Variants in DPP6 observed in about 807,000 individuals in gnomAD.
DPP6 encodes the protein A-type potassium channel modulatory protein DPP6.
A neutral mutation model predicts 122.6 loss-of-function variants in DPP6; 69 were observed. That is an observed-to-expected ratio of 0.56 (90% CI 0.46 to 0.69). The LOEUF (loss-of-function observed/expected upper bound fraction) is 0.69, where lower values mean the gene tolerates loss of function less well. DPP6 is among the 30% of genes least tolerant of loss of function. The pLI, the probability that DPP6 is intolerant of heterozygous loss-of-function variation, is 0.00. For missense variants in DPP6, 928 were observed against 1,116.9 expected, an observed-to-expected ratio of 0.83 and a Z score of 2.41; for synonymous variants, 418 against 433.1, an observed-to-expected ratio of 0.97 and a Z score of 0.43.
chr7:154,209,068 C>CT (rs1273243713), intron 1 of DPP6, among the ~76,000 whole-genome samples: 1 of 152,152 alleles, frequency 6.6e-6, no homozygotes, highest in African/African-American at 2.4e-5. Context: ...CCAGTGGAAA[C>CT]TTAAAGAAAT....
intron 1 of DPP6, among the ~76,000 whole-genome samples, chr7:154,041,950 G>A (rs1467956851): frequency 2.0e-5 from 3 of 152,098 alleles, no homozygotes; most frequent in South Asian, 4.1e-4. Context: ...GTAGAGCCGG[G>A]GTTTCACCAT....
chr7:154,621,576 A>G (rs1046648719), intron 5 of DPP6, among the ~76,000 whole-genome samples: 17 of 152,158 alleles, frequency 1.1e-4, no homozygotes, highest in Non-Finnish European at 2.1e-4. Flanking sequence ...CATGTTGGCC[A>G]GGCTGGTCTT....
chr7:154,101,335 G>T (rs1805709981), intron 1 of DPP6, among the ~76,000 whole-genome samples: 1 of 144,582 alleles, frequency 6.9e-6, no homozygotes, highest in South Asian at 2.4e-4. Flanking sequence ...AGAGCCTGGA[G>T]CTCAGTAAAT....
In DPP6 at chr7:154,737,726, C is replaced by G. The variant is rs559836914; in HGVS notation, c.883+9839C>G. ...CTATGAAATTAGGCTTGGGTCCATA[C>G]TCAAGTTCTGGGTGCAGCATCCTGT... On this transcript the variant is annotated intron_variant, in intron 8 of 25. Transcript: ENST00000377770. 3.6e-4 allele frequency among the ~76,000 whole-genome samples: 55 copies of G among 152,326 alleles called. 2 individuals carry two copies. The South Asian group carries it at 0.011, about 29-fold the overall frequency.
intron 1 of DPP6, among the ~76,000 whole-genome samples, chr7:154,360,501 T>A (rs1811637596): frequency 6.6e-6 from 1 of 152,202 alleles, no homozygotes; most frequent in Admixed American, 6.5e-5. Flanking sequence ...GAAAACTTTC[T>A]TAGAATGTGC....
intron 1 of DPP6, among the ~76,000 whole-genome samples, chr7:154,102,867 G>C (rs1805851727): frequency 6.6e-6 from 1 of 152,132 alleles, no homozygotes; most frequent in African/African-American, 2.4e-5. Flanking sequence ...GCCACTTTAA[G>C]CCATCCACAG....
chr7:154,132,734 T>C (rs1426519560), intron 1 of DPP6, among the ~76,000 whole-genome samples: 1 of 152,104 alleles, frequency 6.6e-6, no homozygotes, highest in East Asian at 1.9e-4. Flanking sequence ...AAATCTTCCA[T>C]TGGGTGGCCC....
At chr7:154,501,924 T>A (rs1251549119) in intron 3 of DPP6, among the ~76,000 whole-genome samples, 1 of 142,896 alleles carries the variant, frequency 7.0e-6, no homozygotes, top group Non-Finnish European at 1.6e-5. Flanking sequence ...GAAGGGAGGC[T>A]GTCCCCTGCA....
chr7:154,106,105 C>A (rs1480290012), intron 1 of DPP6, among the ~76,000 whole-genome samples: 1 of 151,966 alleles, frequency 6.6e-6, no homozygotes. Flanking sequence ...AAAGGGGTGG[C>A]AGACTCTGCC....
rs1282708523 is a variant in DPP6 at position 154,879,569 on chromosome 7, C to A, written c.2079-1319C>A. The stretch of plus-strand genomic sequence containing the variant: ...TTGTGCCACTGCACTCCAGCCTGGG[C>A]GACAGCGAGACTCCGTCTCAAAAAA... On this transcript the variant is annotated intron_variant, in intron 20 of 25. Transcript: ENST00000377770. 3.6e-5 allele frequency among the ~76,000 whole-genome samples: 3 copies of A among 82,350 alleles called. 1 individual carries two copies. In the East Asian group the frequency reaches 3.8e-3, roughly 103 times the overall value. 54.0% of individuals were successfully genotyped at this position (82,350 alleles called of 152,430 possible).
the DPP6 span, among the ~76,000 whole-genome samples, chr7:153,855,771 G>T: frequency 1.3e-5 from 2 of 152,018 alleles, no homozygotes; most frequent in Non-Finnish European, 2.9e-5. Flanking sequence ...TCAGACAGAG[G>T]TGAGAGCTTA....
rs778082642 is a variant in DPP6 at position 154,875,865 on chromosome 7, A to G, written c.1884-41A>G. 4.3e-4 allele frequency: 684 copies of G among 1,575,992 alleles called. No individual in the cohort carries two copies. The highest frequency in any genetic ancestry group is 5.6e-4 in the Non-Finnish European group (649 of 1,162,252). On this transcript the variant is annotated intron_variant, in intron 19 of 25. Coordinates refer to ENST00000377770, the MANE Select transcript of DPP6 (RefSeq NM_130797.4). This position sits in a 1 kb window ranked among gnomAD's most constrained non-coding sequence, Gnocchi z 4.5. ...GCAGCTGCTAGACCAGCCGCCACCC[A>G]CCACGCAGCAGGCCTGCTGAGCCCG...
chr7:154,208,452 C>T (rs953199715), intron 1 of DPP6, among the ~76,000 whole-genome samples: 3 of 152,256 alleles, frequency 2.0e-5, no homozygotes, highest in Admixed American at 2.0e-4. Context: ...ACCCCGCTGA[C>T]TCATCCCATC....
intron 4 of DPP6, among the ~76,000 whole-genome samples, chr7:154,549,298 G>A (rs1829453542): frequency 6.6e-6 from 1 of 152,192 alleles, no homozygotes; most frequent in Admixed American, 6.5e-5. Flanking sequence ...TCATATCAGA[G>A]TTGTCCTTTA....
chr7:154,648,416 G>A (rs922403782), intron 6 of DPP6, among the ~76,000 whole-genome samples: 2 of 152,148 alleles, frequency 1.3e-5, no homozygotes, highest in African/African-American at 4.8e-5. Context: ...CTGTGCTCCT[G>A]CAGAGGGTTG....
At chr7:154,266,412 C>G (rs1397160309) in intron 1 of DPP6, among the ~76,000 whole-genome samples, 2 of 152,120 alleles carry the variant, frequency 1.3e-5, no homozygotes, top group East Asian at 3.9e-4. Context: ...GACCCCATCT[C>G]TACTAAAAAT....
Position 154,236,900 on chromosome 7 carries a change from G to A in DPP6, c.243+183837G>A, listed in dbSNP as rs77668596. Among the ~76,000 whole-genome samples the A allele has an allele frequency of 7.2e-3, 1,098 of 152,118 alleles. 19 individuals carry two copies. Among genetic ancestry groups the A allele is most frequent in the African/African-American group, 0.025 (1,027 of 41,486 alleles). Reference sequence around the variant, plus strand: ...ATTGTGTGTCCTGGAGGGTTTCCCCGGTGCTCCCCAGCCTCCATTGCACAA... The same window carrying A: ...ATTGTGTGTCCTGGAGGGTTTCCCCAGTGCTCCCCAGCCTCCATTGCACAA... On this transcript the variant is annotated intron_variant, in intron 1 of 25. Transcript: ENST00000377770.
intron 8 of DPP6, among the ~76,000 whole-genome samples, chr7:154,758,557 A>G (rs1201083991): frequency 6.6e-6 from 1 of 151,966 alleles, no homozygotes; most frequent in Non-Finnish European, 1.5e-5. Flanking sequence ...TTTTTAGTAG[A>G]GACGGGGTTT....
At chr7:154,586,585 C>A (rs1187798379) in intron 5 of DPP6, among the ~76,000 whole-genome samples, 2 of 152,194 alleles carry the variant, frequency 1.3e-5, no homozygotes, top group Non-Finnish European at 2.9e-5. Flanking sequence ...GGACACGGAG[C>A]CCAGCCCCTG....
Sources: gnomAD v4.1 joint callset for allele counts (sites outside exome capture counted in the v4.1 genomes callset) on GRCh38, gnomAD v4.1.1 for gene constraint, Gnocchi (gnomAD v3.1) non-coding constraint, MANE v1.5 for transcripts, NCBI Gene and HGNC (gene_info 2026-07-23, HGNC 2026-07-21) for gene names.